SLC4A4: variants seen among roughly 807,000 people sequenced by gnomAD.
SLC4A4 encodes solute carrier family 4 member 4.
In SLC4A4, 27 loss-of-function variants were observed where a neutral mutation model predicts 111.5. The observed-to-expected ratio is 0.24, with a 90% confidence interval of 0.18 to 0.33. The LOEUF is 0.33. Among genes scored for constraint, SLC4A4 ranks in the 10% least tolerant of loss-of-function variants. The pLI, the probability that SLC4A4 is intolerant of heterozygous loss-of-function variation, is 1.00. For synonymous variants in SLC4A4, 443 were observed against 463.4 expected, an observed-to-expected ratio of 0.96 and a Z score of 0.57; for missense variants, 909 against 1,315.5, an observed-to-expected ratio of 0.69 and a Z score of 4.78.
At chr4:71,273,253 G>A (rs1542307) in intron 3 of SLC4A4, among the ~76,000 whole-genome samples, 13,829 of 152,186 alleles carry the variant, frequency 0.091, 2,011 homozygotes, top group African/African-American at 0.3. Flanking sequence ...ATATATAGTG[G>A]ATCAGATAAA....
intron 15 of SLC4A4, 136 bp from the exon 16 acceptor site, chr4:71,497,365 G>C: frequency 1.4e-6 from 1 of 711,424 alleles, no homozygotes; most frequent in South Asian, 1.7e-5. Flanking sequence ...ACCTCATCAA[G>C]TTTCACCCTC....
At chr4:71,271,744 A>G (rs558052880) in intron 3 of SLC4A4, among the ~76,000 whole-genome samples, 14 of 152,318 alleles carry the variant, frequency 9.2e-5, no homozygotes, top group African/African-American at 3.1e-4. Flanking sequence ...TCTCAACAAA[A>G]ATTTGTAGCT....
At chr4:71,167,027 A>G (rs1222900150) in intron 2 of SLC4A4, among the ~76,000 whole-genome samples, 1 of 152,200 alleles carries the variant, frequency 6.6e-6, no homozygotes, top group East Asian at 1.9e-4. Flanking sequence ...TTATGTTCAC[A>G]GATTCTGTGG....
At chr4:71,435,670 G>A (rs185425308) in intron 7 of SLC4A4, among the ~76,000 whole-genome samples, 1 of 152,164 alleles carries the variant, frequency 6.6e-6, no homozygotes, top group Admixed American at 6.5e-5. Flanking sequence ...TCTGACAAAG[G>A]ACTAATATCC....
chr4:71,255,865 A>C (rs1721414984), intron 3 of SLC4A4, among the ~76,000 whole-genome samples: 3 of 152,206 alleles, frequency 2.0e-5, no homozygotes, highest in Admixed American at 2.0e-4. Flanking sequence ...GAGTCAGGTC[A>C]GTGATTTAAA....
At chr4:71,110,301 A>T (rs1464769257) in intron 2 of SLC4A4, among the ~76,000 whole-genome samples, 1 of 152,048 alleles carries the variant, frequency 6.6e-6, no homozygotes, top group African/African-American at 2.4e-5. Flanking sequence ...TGCAGCCTCG[A>T]CATTCCAGGC....
At chr4:71,131,242 T>A (rs1374438661) in intron 2 of SLC4A4, among the ~76,000 whole-genome samples, 2 of 152,196 alleles carry the variant, frequency 1.3e-5, no homozygotes, top group Non-Finnish European at 2.9e-5. Flanking sequence ...TTTTTAAGCA[T>A]CCTTCTGTTT....
At chr4:71,444,679 C>T (rs1314195908) in intron 8 of SLC4A4, among the ~76,000 whole-genome samples, 1 of 152,152 alleles carries the variant, frequency 6.6e-6, no homozygotes, top group Non-Finnish European at 1.5e-5. Context: ...TAACAGCTTT[C>T]GCTTCTTTGA....
At chr4:71,486,812 A>G in intron 14 of SLC4A4, 136 bp from the exon 15 acceptor site, 1 of 557,894 alleles carries the variant, frequency 1.8e-6, no homozygotes, top group Non-Finnish European at 3.2e-6. Flanking sequence ...TAATAAATAA[A>G]AATTCATTGT....
At chr4:71,368,463 C>T (rs775925370) in intron 6 of SLC4A4, among the ~76,000 whole-genome samples, 1 of 145,136 alleles carries the variant, frequency 6.9e-6, no homozygotes, top group Non-Finnish European at 1.6e-5. Flanking sequence ...GGCTGAAAAA[C>T]AGAGGAAATT....
intron 14 of SLC4A4, among the ~76,000 whole-genome samples, chr4:71,475,413 GT>G (rs890554106): frequency 6.6e-6 from 1 of 151,582 alleles, no homozygotes; most frequent in Non-Finnish European, 1.5e-5. Flanking sequence ...AAGGATCTTT[GT>G]TTTTTTTGAA....
At chr4:71,431,215 A>G (rs1233023599) in intron 7 of SLC4A4, among the ~76,000 whole-genome samples, 2 of 88,538 alleles carry the variant, frequency 2.3e-5, no homozygotes, top group East Asian at 3.3e-4. Context: ...ATGATAAGGA[A>G]AACAGTATGT....
chr4:71,366,850 A>G (rs1247794604), intron 6 of SLC4A4, among the ~76,000 whole-genome samples: 1 of 152,240 alleles, frequency 6.6e-6, no homozygotes, highest in Non-Finnish European at 1.5e-5. Context: ...CCTCCTGCAC[A>G]GAAGTACACA....
intron 7 of SLC4A4, among the ~76,000 whole-genome samples, chr4:71,420,237 T>C (rs1035127560): frequency 6.6e-6 from 1 of 151,844 alleles, no homozygotes. Flanking sequence ...AGGGTATCAG[T>C]GATGGAAGAT....
intron 3 of SLC4A4, chr4:71,300,979 C>G: frequency 2.0e-6 from 1 of 488,154 alleles, no homozygotes; most frequent in Non-Finnish European, 4.2e-6. Context: ...GTGAAGGGAG[C>G]AGCTTAGTGC....
chr4:71,336,403 G>C (rs1416321213), intron 3 of SLC4A4, among the ~76,000 whole-genome samples: 1 of 152,108 alleles, frequency 6.6e-6, no homozygotes, highest in Non-Finnish European at 1.5e-5. Flanking sequence ...CTCTCTTGTT[G>C]TTAGCTATAA....
chr4:71,291,562 C>T (rs1438675158), intron 3 of SLC4A4, among the ~76,000 whole-genome samples: 1 of 152,132 alleles, frequency 6.6e-6, no homozygotes, highest in Non-Finnish European at 1.5e-5. Context: ...GTCTCAGCCT[C>T]CCGATTAGCA....
At chr4:71,450,758 A>G (rs933103627) in intron 10 of SLC4A4, among the ~76,000 whole-genome samples, 13 of 152,212 alleles carry the variant, frequency 8.5e-5, no homozygotes, top group Admixed American at 2.0e-4. Context: ...TTCTTCAGTT[A>G]TTATAAATTG....
chr4:71,087,712 G>A (rs545925938), intron 1 of SLC4A4, among the ~76,000 whole-genome samples: 1 of 151,764 alleles, frequency 6.6e-6, no homozygotes, highest in African/African-American at 2.4e-5. Flanking sequence ...TAGTTGAGCG[G>A]TTTTGAGCAA....
Sources: allele counts gnomAD v4.1 joint callset (sites outside exome capture counted in the v4.1 genomes callset), GRCh38; gene constraint gnomAD v4.1.1; transcripts MANE v1.5; gene names NCBI Gene and HGNC (gene_info 2026-07-23, HGNC 2026-07-21).